The following ERCC1 variants were observed in gnomAD, a reference collection of about 807,000 sequenced individuals.
ERCC1 encodes the protein DNA excision repair protein ERCC-1.
Under a neutral mutation model 37.6 loss-of-function variants are expected in ERCC1, and 36 were observed. That is an observed-to-expected ratio of 0.96 (90% CI 0.73 to 1.26). The LOEUF is 1.26. Ranked by LOEUF, ERCC1 falls within the 50% of genes most tolerant of loss-of-function variation. ERCC1 has a pLI of 0.00. For missense variants in ERCC1, 349 were observed against 376.5 expected (o/e 0.93, Z 0.60); for synonymous variants, 156 against 162.1 (o/e 0.96, Z 0.28).
intron 4 of ERCC1, 117 bp from the exon 5 acceptor site, chr19:45,419,314 C>CAGA (rs1193521871): frequency 1.7e-5 from 13 of 758,616 alleles, no homozygotes; most frequent in South Asian, 5.9e-5. Context: ...GACAGAGGGT[C>CAGA]CTGAGGCCCA....
At chr19:45,445,856 G>A (rs1023420395) in intron 1 of ERCC1, among the ~76,000 whole-genome samples, 8 of 151,986 alleles carry the variant, frequency 5.3e-5, no homozygotes, top group African/African-American at 1.7e-4. Flanking sequence ...GCAAAAGAGG[G>A]ATGTGAACTG....
At chr19:45,413,615 T>A (rs1378077105) in intron 9 of ERCC1, 62 bp downstream of exon 9, 1 of 1,614,098 alleles carries the variant, frequency 6.2e-7, no homozygotes. Flanking sequence ...GGGTCTCAGG[T>A]TGTGTTTATT....
chr19:45,435,023 T>G (rs971774850), intron 1 of ERCC1, among the ~76,000 whole-genome samples: 2 of 152,138 alleles, frequency 1.3e-5, no homozygotes, highest in Middle Eastern at 6.8e-3. Context: ...CCTCAGGTGA[T>G]CCACCTGCTT....
chr19:45,440,372 C>T (rs1975089775), intron 1 of ERCC1, among the ~76,000 whole-genome samples: 1 of 152,128 alleles, frequency 6.6e-6, no homozygotes, highest in Admixed American at 6.6e-5. Context: ...CATCTCTGTC[C>T]TCAAGGCCAA....
At chr19:45,426,471 A>T (rs1213821019), upstream of ERCC1, among the ~76,000 whole-genome samples, 1 of 151,184 alleles carries the variant, frequency 6.6e-6, no homozygotes, top group Non-Finnish European at 1.5e-5. Context: ...GAATTGCTTG[A>T]ACCCTGGAGG....
chr19:45,434,032 T>G (rs1974903824), intron 1 of ERCC1, among the ~76,000 whole-genome samples: 1 of 150,962 alleles, frequency 6.6e-6, no homozygotes, highest in African/African-American at 2.4e-5. Context: ...TCCCAGCTAC[T>G]CGGGAGGAGG....
rs565305383 is a variant in ERCC1, at chr19:45,415,386, C to T, written c.603-426G>A. On this transcript the variant is annotated intron_variant, in intron 6 of 9. Coordinates refer to ENST00000300853, the MANE Select transcript of ERCC1 (RefSeq NM_001983.4). ...GTGTGGTGGCTCACGCCTATAATCC[C>T]AGCACTTTGGGAGGCTGAGGTGAGC... Among the ~76,000 whole-genome samples the T allele has an allele frequency of 3.2e-4, 49 of 151,332 alleles. No homozygotes were observed. The South Asian group carries it at 9.4e-3, about 29-fold the overall frequency.
intron 1 of ERCC1, among the ~76,000 whole-genome samples, chr19:45,450,912 G>A (rs1243629665): frequency 3.4e-5 from 3 of 89,110 alleles, no homozygotes; most frequent in African/African-American, 7.5e-5. Flanking sequence ...CCCCACGCCC[G>A]CGCAGACGCG....
rs376867168 is a variant in ERCC1, at chr19:45,419,215, C to T, written c.426-18G>A. ...AGCGGAGGCTGGTGGGGGCAGGGAG[C>T]GGGAGTTGAGAGGTCTCAGTCTCTT... is the stretch of plus-strand genomic sequence containing the variant. On this transcript the variant is annotated intron_variant, in intron 4 of 9. Transcript: ENST00000300853. 2.2e-5 allele frequency: 34 copies of T among 1,553,866 alleles called. No individual in the cohort carries two copies. The highest frequency in any genetic ancestry group is 1.7e-4 in the Middle Eastern group (1 of 5,860).
intron 2 of ERCC1, among the ~76,000 whole-genome samples, chr19:45,422,929 T>C (rs895390166): frequency 2.0e-5 from 3 of 152,184 alleles, no homozygotes; most frequent in Non-Finnish European, 4.4e-5. Flanking sequence ...TACCAAAATA[T>C]GTCTAAAGTG....
intron 1 of ERCC1, among the ~76,000 whole-genome samples, chr19:45,437,911 AT>A (rs34041953): frequency 8.9e-4 from 127 of 142,986 alleles, no homozygotes; most frequent in Admixed American, 2.0e-3. Context: ...TTCTCATCTG[AT>A]TTTTTTTTTT....
In ERCC1 at chr19:45,409,431, CAG is replaced by C. The variant is rs771047736; in HGVS notation, c.*242_*243del. On this transcript the variant is annotated 3_prime_UTR_variant, in exon 10 of 10. Transcript: ENST00000300853. ...GAGATGCCAGGGCCGCCACTGAATT[CAG>C]AGTCTGGGGAGGAGGCTCCCACAGG... The C allele has an allele frequency of 4.3e-6, 7 of 1,613,558 alleles. No individual in the cohort carries two copies. The highest frequency in any genetic ancestry group is 1.1e-5 in the South Asian group (1 of 91,082).
chr19:45,424,039 T>C, upstream of ERCC1: 1 of 1,047,188 alleles, frequency 9.5e-7, no homozygotes. Flanking sequence ...CCTGAGGATC[T>C]GGCTCCCAAA....
chr19:45,409,895 ATTTT>A (rs57573120), intron 9 of ERCC1, 170 bp from the exon 10 acceptor site: 7 of 171,652 alleles, frequency 4.1e-5, no homozygotes, highest in Admixed American at 2.9e-4. Context: ...TATTATTATT[ATTTT>A]TTTTTTTTTT....
rs914419252 is a variant in ERCC1, at chr19:45,408,255, C to A, written c.*1420G>T. The A allele has an allele frequency of 6.2e-7, 1 of 1,614,084 alleles. No individual in the cohort carries two copies. The highest frequency in any genetic ancestry group is 1.3e-5 in the African/African-American group (1 of 75,032). On this transcript the variant is annotated 3_prime_UTR_variant, in exon 10 of 10. Coordinates refer to ENST00000300853, the MANE Select transcript of ERCC1 (RefSeq NM_001983.4). ...CAAGCTGGAGAAGCGACCCTGCTGG[C>A]CCCCTCAACGGAGGCAGGAGGTGGA...
intron 7 of ERCC1, 200 bp from the exon 8 acceptor site, chr19:45,414,234 TCGAGGCCGAGGC>T: frequency 1.6e-6 from 1 of 621,596 alleles, no homozygotes; most frequent in South Asian, 1.8e-5. Flanking sequence ...CCCAGCACTT[TCGAGGCCGAGGC>T]GGGAGGATCA....
At chr19:45,410,769 CATA>C (rs1405308991) in intron 9 of ERCC1, 14 of 152,224 alleles carry the variant, frequency 9.2e-5, no homozygotes, top group Admixed American at 9.2e-4. Flanking sequence ...TTTCACTTAA[CATA>C]ATAATCCCCA....
chr19:45,425,082 A>ATTTTTTT (rs35314737), upstream of ERCC1, among the ~76,000 whole-genome samples: 29 of 116,932 alleles, frequency 2.5e-4, no homozygotes, highest in African/African-American at 7.3e-4. Flanking sequence ...TGCCCGGCTA[A>ATTTTTTT]TTTTTTTTTT....
intron 1 of ERCC1, among the ~76,000 whole-genome samples, chr19:45,441,239 T>A (rs1448886877): frequency 2.6e-5 from 4 of 152,198 alleles, no homozygotes; most frequent in Non-Finnish European, 5.9e-5. Flanking sequence ...GGACCTACAC[T>A]GCATGTTCTG....
Sources: gnomAD v4.1 joint callset for allele counts (sites outside exome capture counted in the v4.1 genomes callset) on GRCh38, gnomAD v4.1.1 for gene constraint, MANE v1.5 for transcripts, NCBI Gene and HGNC (gene_info 2026-07-23, HGNC 2026-07-21) for gene names.